OSBPL8: variants seen among roughly 807,000 people sequenced by gnomAD.
OSBPL8 encodes oxysterol-binding protein-related protein 8.
A neutral mutation model predicts 125.5 loss-of-function variants in OSBPL8; 59 were observed. The observed-to-expected ratio is 0.47, with a 90% confidence interval of 0.38 to 0.58. The LOEUF is 0.58. Among genes scored for constraint, OSBPL8 ranks in the 20% least tolerant of loss-of-function variants. The pLI is 0.00. For synonymous variants in OSBPL8, 330 were observed against 338.9 expected, an observed-to-expected ratio of 0.97 and a Z score of 0.29; for missense variants, 758 against 1,047.8, an observed-to-expected ratio of 0.72 and a Z score of 3.82.
In OSBPL8 at chr12:76,371,445, T is replaced by C. The variant is rs1186479309; in HGVS notation, c.2054+3A>G. The C allele has an allele frequency of 1.2e-6, 2 of 1,603,690 alleles. No individual in the cohort carries two copies. The highest frequency in any genetic ancestry group is 1.7e-6 in the Non-Finnish European group (2 of 1,175,214). ...GAAGTTAGCTGTAAAACAGTATACTTACTTCTCTGATTCAAAATCTCCCTG... is the reference window on the plus strand; with the variant it reads ...GAAGTTAGCTGTAAAACAGTATACTCACTTCTCTGATTCAAAATCTCCCTG... On this transcript the variant is annotated splice_donor_region_variant and intron_variant, in intron 19 of 23. Coordinates refer to ENST00000261183, the MANE Select transcript of OSBPL8 (RefSeq NM_020841.5).
In OSBPL8 at chr12:76,378,579, C is replaced by T. The variant is rs780492857; in HGVS notation, c.1631-29G>A. Reference sequence around the variant, plus strand: ...AAATAAAATGTTGTTTATTAAATTTCACAAAACTTATTCAACCAATTCAAA... The same window carrying T: ...AAATAAAATGTTGTTTATTAAATTTTACAAAACTTATTCAACCAATTCAAA... On this transcript the variant is annotated intron_variant, in intron 15 of 23. Coordinates refer to ENST00000261183, the MANE Select transcript of OSBPL8 (RefSeq NM_020841.5). The T allele has an allele frequency of 4.7e-6, 7 of 1,481,498 alleles. No individual in the cohort carries two copies. In the South Asian group the frequency reaches 7.1e-5, roughly 15 times the overall value. 91.8% of individuals were successfully genotyped at this position (1,481,498 alleles called of 1,614,324 possible). A position where few individuals can be genotyped will look rare whatever the true frequency, so the allele number is the denominator to read the frequency against.
At chr12:76,506,213 A>G (rs1880400142) in intron 1 of OSBPL8, among the ~76,000 whole-genome samples, 1 of 152,222 alleles carries the variant, frequency 6.6e-6, no homozygotes, top group Non-Finnish European at 1.5e-5. Flanking sequence ...CAGGTATGCA[A>G]TATATTGTGG....
intron 10 of OSBPL8, among the ~76,000 whole-genome samples, chr12:76,392,318 C>T (rs750541376): frequency 6.6e-6 from 1 of 152,142 alleles, no homozygotes; most frequent in Non-Finnish European, 1.5e-5. Flanking sequence ...ATAGAAGGGA[C>T]ATCATGCACA....
chr12:76,545,434 T>G (rs1036172361), intron 1 of OSBPL8, among the ~76,000 whole-genome samples: 5 of 152,182 alleles, frequency 3.3e-5, no homozygotes, highest in Non-Finnish European at 7.3e-5. Context: ...TTTGCCCAGT[T>G]TTCTACAAGT....
chr12:76,355,608 GTGTATACA>G lies in OSBPL8; in HGVS notation c.*273_*280del, dbSNP rs1951954695. ...AGGTAGGAGTACATAAGAGACAATT[GTGTATACA>G]TGTGGGTTTATTATACTCATATGTA... On this transcript the variant is annotated 3_prime_UTR_variant, in exon 24 of 24. Transcript: ENST00000261183. The G allele has an allele frequency of 7.5e-6, 2 of 266,440 alleles. No individual in the cohort carries two copies. The highest frequency in any genetic ancestry group is 1.4e-5 in the Non-Finnish European group (2 of 141,426). 16.5% of individuals were successfully genotyped at this position (266,440 alleles called of 1,614,324 possible).
chr12:76,553,195 A>AT (rs1278130394), intron 1 of OSBPL8, among the ~76,000 whole-genome samples: 1 of 51,466 alleles, frequency 1.9e-5, no homozygotes, highest in African/African-American at 8.9e-5. Context: ...AAAATATACC[A>AT]ACATAGATTC....
chr12:76,388,310 CT>C (rs1159591424), intron 12 of OSBPL8, among the ~76,000 whole-genome samples: 1 of 152,186 alleles, frequency 6.6e-6, no homozygotes, highest in Non-Finnish European at 1.5e-5. Flanking sequence ...TGCATCTATA[CT>C]TTTGGTAAAT....
At chr12:76,405,846 T>C (rs2136383954) in intron 5 of OSBPL8, among the ~76,000 whole-genome samples, 1 of 152,330 alleles carries the variant, frequency 6.6e-6, no homozygotes, top group East Asian at 1.9e-4. Context: ...GCAGGTTTAA[T>C]GTATACTACT....
chr12:76,448,957 G>A (rs112177986), intron 4 of OSBPL8, among the ~76,000 whole-genome samples: 5,766 of 152,256 alleles, frequency 0.038, 331 homozygotes, highest in African/African-American at 0.13. Flanking sequence ...AGGTTGCAGT[G>A]AGCTGAGATC....
At chr12:76,486,899 A>G (rs1280645547) in intron 2 of OSBPL8, among the ~76,000 whole-genome samples, 2 of 152,016 alleles carry the variant, frequency 1.3e-5, no homozygotes, top group African/African-American at 4.8e-5. Context: ...AAAACAAATT[A>G]TTCTATCAGT....
intron 5 of OSBPL8, among the ~76,000 whole-genome samples, chr12:76,403,049 CAT>C (rs1268246893): frequency 6.6e-6 from 1 of 152,098 alleles, no homozygotes; most frequent in Non-Finnish European, 1.5e-5. Flanking sequence ...TTTCTAAGAA[CAT>C]ATATAATTAT....
chr12:76,554,198 T>C (rs1951028523), intron 1 of OSBPL8, among the ~76,000 whole-genome samples: 1 of 152,236 alleles, frequency 6.6e-6, no homozygotes, highest in East Asian at 1.9e-4. Context: ...CTAAGTATTT[T>C]TAAGATTTAA....
chr12:76,373,295 T>TTC (rs1555208077), intron 18 of OSBPL8, 49 bp downstream of exon 18: 43 of 1,233,912 alleles, frequency 3.5e-5, no homozygotes, highest in Admixed American at 7.0e-5. Context: ...ATTTTTTTTT[T>TTC]CCCACAGAAT....
chr12:76,367,407 A>C (rs549897370), intron 21 of OSBPL8, among the ~76,000 whole-genome samples: 1 of 152,188 alleles, frequency 6.6e-6, no homozygotes, highest in East Asian at 1.9e-4. Context: ...TACTATTTGC[A>C]CATAATATTT....
intron 2 of OSBPL8, among the ~76,000 whole-genome samples, chr12:76,480,167 CAAAAA>C (rs57582036): frequency 7.1e-5 from 4 of 56,386 alleles, no homozygotes; most frequent in Non-Finnish European, 9.2e-5. Flanking sequence ...AACTCCATCT[CAAAAA>C]AAAAAAAAAA....
intron 2 of OSBPL8, among the ~76,000 whole-genome samples, chr12:76,480,641 A>C (rs1198662152): frequency 6.6e-6 from 1 of 152,220 alleles, no homozygotes; most frequent in Non-Finnish European, 1.5e-5. Flanking sequence ...TTACATAAGG[A>C]GATCCCTGCA....
At chr12:76,398,730 AT>A (rs1333676958) in intron 7 of OSBPL8, among the ~76,000 whole-genome samples, 1 of 152,186 alleles carries the variant, frequency 6.6e-6, no homozygotes, top group Non-Finnish European at 1.5e-5. Context: ...GGATTCCTTA[AT>A]CCCCCAAATA....
chr12:76,415,250 CT>C (rs35128998), intron 4 of OSBPL8, among the ~76,000 whole-genome samples: 16,660 of 142,788 alleles, frequency 0.12, 1,179 homozygotes, highest in Non-Finnish European at 0.18. Flanking sequence ...TTTTTCTTTC[CT>C]TTTTTTTTTT....
chr12:76,517,496 T>C (rs1881663367), intron 1 of OSBPL8, among the ~76,000 whole-genome samples: 1 of 152,158 alleles, frequency 6.6e-6, no homozygotes, highest in African/African-American at 2.4e-5. Context: ...TAATATCTCG[T>C]ACATATATAT....
Sources: gnomAD v4.1 joint callset for allele counts (sites outside exome capture counted in the v4.1 genomes callset) on GRCh38, gnomAD v4.1.1 for gene constraint, MANE v1.5 for transcripts, NCBI Gene and HGNC (gene_info 2026-07-23, HGNC 2026-07-21) for gene names.